Variants in CD59 observed in about 807,000 individuals in gnomAD.
The protein encoded by CD59 is CD59 glycoprotein.
A neutral mutation model predicts 7.0 loss-of-function variants in CD59; 3 were observed. The ratio of observed to expected loss-of-function variants is 0.43; its 90% CI spans 0.19 to 1.10. CD59 has a LOEUF of 1.10. CD59 is among the 50% of genes least tolerant of loss of function. CD59 has a pLI of 0.29. For synonymous variants in CD59, 60 were observed against 62.0 expected, an observed-to-expected ratio of 0.97 and a Z score of 0.15; for missense variants, 143 against 151.0, an observed-to-expected ratio of 0.95 and a Z score of 0.28.
At chr11:33,711,731 C>T (rs145569585) in intron 3 of CD59, among the ~76,000 whole-genome samples, 1,643 of 152,162 alleles carry the variant, frequency 0.011, 27 homozygotes, top group African/African-American at 0.038. Flanking sequence ...AGAAGATTCT[C>T]AAATGGCCAA....
intron 2 of CD59, among the ~76,000 whole-genome samples, chr11:33,720,218 C>T (rs1853994723): frequency 6.6e-6 from 1 of 152,240 alleles, no homozygotes; most frequent in South Asian, 2.1e-4. Context: ...CCCCACCTTG[C>T]AAGAGAAAAC....
intron 2 of CD59, 52 bp from the exon 3 acceptor site, chr11:33,717,523 C>A: frequency 8.6e-7 from 1 of 1,167,216 alleles, no homozygotes; most frequent in South Asian, 1.3e-5. Context: ...GACTTGTCCC[C>A]TGGCAGCCCA....
chr11:33,711,370 A>T (rs909256443), intron 3 of CD59: 6 of 701,164 alleles, frequency 8.6e-6, no homozygotes, highest in Admixed American at 4.0e-5. Flanking sequence ...AAACTCTACA[A>T]TAAAAAGACT....
In CD59 at chr11:33,717,392, AT is replaced by A. The variant is rs587777149; in HGVS notation, c.146del (p.Asp49ValfsTer31). On this transcript the variant is annotated frameshift_variant, in exon 3 of 4. Transcript: ENST00000642928. LOFTEE classifies it low-confidence loss of function (END_TRUNC). ...TACCAGCTTTGGTAATGAGACACGC[AT>A]CAAAATCAGATGAACAATTGACGGC... ...KTAVNCSSDF[D>X]ACLITKAGLQ... is the part of the protein sequence containing the mutation. The A allele has an allele frequency of 6.2e-7, 1 of 1,613,150 alleles. No individual in the cohort carries two copies. Among genetic ancestry groups the A allele is most frequent in the Non-Finnish European group, 8.5e-7 (1 of 1,179,114 alleles).
intron 3 of CD59, among the ~76,000 whole-genome samples, chr11:33,714,788 G>A (rs1218340168): frequency 1.3e-5 from 2 of 152,044 alleles, no homozygotes; most frequent in Non-Finnish European, 2.9e-5. Flanking sequence ...CCTACATAGG[G>A]TCTGGATCAT....
Position 33,708,408 on chromosome 11 carries a change from G to A in CD59, c.*1718C>T, listed in dbSNP as rs1853398847. ...TCCTAGAATCTCAATCCTGAGAGAG[G>A]CTTCCAAAACTGTCGACTCCTGGCT... On this transcript the variant is annotated 3_prime_UTR_variant, in exon 4 of 4. Coordinates refer to ENST00000642928, the MANE Select transcript of CD59 (RefSeq NM_000611.6). 6.6e-6 allele frequency: 1 copy of A among 152,044 alleles called. No homozygotes were observed. Among genetic ancestry groups the A allele is most frequent in the Non-Finnish European group, 1.5e-5 (1 of 68,032 alleles). The allele number at this position is 152,044 out of a possible 1,614,324, so 9.4% of individuals were successfully genotyped here.
intron 1 of CD59, among the ~76,000 whole-genome samples, chr11:33,726,547 T>C (rs1475322856): frequency 6.6e-6 from 1 of 152,206 alleles, no homozygotes; most frequent in African/African-American, 2.4e-5. Context: ...GGGAAATTTA[T>C]AGCACTAAAT....
chr11:33,723,803 A>C (rs887030401), intron 1 of CD59, among the ~76,000 whole-genome samples: 3 of 152,152 alleles, frequency 2.0e-5, no homozygotes, highest in African/African-American at 7.2e-5. Flanking sequence ...CCAGTATACA[A>C]GGAACTGCTA....
chr11:33,718,735 A>G (rs1463606204), intron 2 of CD59: 1 of 152,124 alleles, frequency 6.6e-6, no homozygotes, highest in Non-Finnish European at 1.5e-5. Context: ...AAAAACAATT[A>G]TTGCTCCCAG....
chr11:33,718,129 T>A (rs1189026982), intron 2 of CD59: 3 of 157,394 alleles, frequency 1.9e-5, no homozygotes, highest in Non-Finnish European at 4.2e-5. Flanking sequence ...TTGTTTCTTA[T>A]TATTGAGGTA....
chr11:33,710,161 G>A lies in CD59; in HGVS notation c.352C>T (p.Pro118Ser), dbSNP rs866243991. Residue 118 changes from proline (P) to serine (S), a missense_variant, in exon 4 of 4, where the codon CCA (proline) becomes TCA (serine). Physicochemically the swap from Pro to Ser is moderately conservative, Grantham distance 74. Coordinates refer to ENST00000642928, the MANE Select transcript of CD59 (RefSeq NM_000611.6). ...AGGCTCCAGGCTGCTGCCAGAAATG[G>A]AGTCACCAGCAGAAGAACTGTTTTC... ...SEKTVLLLVT[P>S]FLAAAWSLHP 1.9e-6 allele frequency: 3 copies of A among 1,613,850 alleles called. No homozygotes were observed. Among genetic ancestry groups the A allele is most frequent in the Non-Finnish European group, 2.5e-6 (3 of 1,179,910 alleles).
chr11:33,726,658 G>A (rs748454117), intron 1 of CD59, among the ~76,000 whole-genome samples: 59 of 152,156 alleles, frequency 3.9e-4, no homozygotes, highest in African/African-American at 1.3e-3. Flanking sequence ...GCTAACAGAC[G>A]ACAAGAAATA....
intron 3 of CD59, among the ~76,000 whole-genome samples, chr11:33,714,553 T>TA (rs1364065626): frequency 3.3e-5 from 5 of 152,194 alleles, no homozygotes; most frequent in African/African-American, 4.8e-5. Context: ...AAGCTTATTT[T>TA]AAAAAATCAA....
chr11:33,711,948 C>A (rs531249307), intron 3 of CD59, among the ~76,000 whole-genome samples: 1 of 152,156 alleles, frequency 6.6e-6, no homozygotes, highest in South Asian at 2.1e-4. Flanking sequence ...ACAAATTTGG[C>A]ATTTCTGCAA....
At chr11:33,716,782 T>C (rs1853813123) in intron 3 of CD59, among the ~76,000 whole-genome samples, 1 of 152,212 alleles carries the variant, frequency 6.6e-6, no homozygotes, top group African/African-American at 2.4e-5. Flanking sequence ...TGGCACCTGC[T>C]GTTGCCCCTC....
At chr11:33,714,941 T>G (rs960224968) in intron 3 of CD59, among the ~76,000 whole-genome samples, 1 of 151,400 alleles carries the variant, frequency 6.6e-6, no homozygotes, top group Admixed American at 6.6e-5. Flanking sequence ...AGGCTGTTTT[T>G]TTTTTTTTTT....
intron 2 of CD59, among the ~76,000 whole-genome samples, chr11:33,720,684 G>C (rs570164271): frequency 6.6e-6 from 1 of 152,196 alleles, no homozygotes; most frequent in Non-Finnish European, 1.5e-5. Context: ...AGCCGAGATC[G>C]CGCCACTGCG....
intron 3 of CD59, among the ~76,000 whole-genome samples, chr11:33,712,717 A>G (rs555711376): frequency 9.2e-5 from 14 of 152,220 alleles, no homozygotes; most frequent in Non-Finnish European, 2.1e-4. Context: ...TAAGTCATAC[A>G]ACCTTGTAAA....
chr11:33,722,285 G>T (rs1771903878), intron 2 of CD59, 94 bp downstream of exon 2: 2 of 925,260 alleles, frequency 2.2e-6, no homozygotes, highest in Non-Finnish European at 3.6e-6. Context: ...CCAAAGCCAG[G>T]CCTGGAGGAG....
Sources: gnomAD v4.1 joint callset for allele counts (sites outside exome capture counted in the v4.1 genomes callset) on GRCh38, gnomAD v4.1.1 for gene constraint, MANE v1.5 for transcripts, NCBI Gene and HGNC (gene_info 2026-07-23, HGNC 2026-07-21) for gene names.